CDKAL1: variants seen among roughly 807,000 people sequenced by gnomAD.
The protein encoded by CDKAL1 is threonylcarbamoyladenosine tRNA methylthiotransferase.
CDKAL1 carries 32 observed loss-of-function variants against 68.2 expected under a neutral mutation model. That is an observed-to-expected ratio of 0.47 (90% confidence interval 0.35 to 0.63). CDKAL1 has a LOEUF of 0.63. Ranked by LOEUF, CDKAL1 falls within the 30% of genes least tolerant of loss-of-function variation. CDKAL1 has a pLI of 0.00. For missense variants in CDKAL1, 606 were observed against 696.7 expected, an observed-to-expected ratio of 0.87 and a Z score of 1.47; for synonymous variants, 234 against 244.3, an observed-to-expected ratio of 0.96 and a Z score of 0.39.
chr6:21,029,663 C>T (rs1047338599), intron 11 of CDKAL1, among the ~76,000 whole-genome samples: 8 of 151,950 alleles, frequency 5.3e-5, no homozygotes, highest in South Asian at 2.1e-4. Context: ...AGAAAGTGGG[C>T]GAAGGATATG....
chr6:20,639,465 T>C (rs561628466), intron 4 of CDKAL1, among the ~76,000 whole-genome samples: 3 of 152,098 alleles, frequency 2.0e-5, no homozygotes, highest in East Asian at 1.9e-4. Context: ...TTCCTCCTTT[T>C]CCCCCCTTTT....
chr6:21,027,692 A>T (rs952239672), intron 11 of CDKAL1, among the ~76,000 whole-genome samples: 12 of 152,208 alleles, frequency 7.9e-5, no homozygotes, highest in African/African-American at 2.9e-4. Flanking sequence ...AAGCCCTCAC[A>T]GATGTGAACG....
At chr6:21,227,734 G>A (rs548226811) in intron 15 of CDKAL1, among the ~76,000 whole-genome samples, 2 of 152,278 alleles carry the variant, frequency 1.3e-5, no homozygotes, top group African/African-American at 4.8e-5. Context: ...AACATCTGAG[G>A]GGTGGAGAGA....
At position 20,551,848 on chromosome 6, in the gene CDKAL1, C is replaced by T. The variant is rs12055423; in HGVS notation, c.286+3143C>T. Among the ~76,000 whole-genome samples, 327 of 151,930 alleles carry T rather than the reference C, an allele frequency of 2.2e-3. 2 individuals carry two copies. The highest frequency in any genetic ancestry group is 3.4e-3 in the Admixed American group (52 of 15,254). On this transcript the variant is annotated intron_variant, in intron 4 of 15. Coordinates refer to ENST00000274695, the MANE Select transcript of CDKAL1 (RefSeq NM_017774.3). ...TAGCCTGGGCTTGCCTTACCATATTCTGATGGTGTAGTTTGAGTATTAAGA... is the reference window on the plus strand; with the variant it reads ...TAGCCTGGGCTTGCCTTACCATATTTTGATGGTGTAGTTTGAGTATTAAGA...
intron 9 of CDKAL1, among the ~76,000 whole-genome samples, chr6:20,902,671 A>G (rs943077296): frequency 6.6e-6 from 1 of 152,234 alleles, no homozygotes; most frequent in African/African-American, 2.4e-5. Flanking sequence ...ATATAAAACC[A>G]TAATATTGGG....
At chr6:20,797,465 A>AT (rs1776154719) in intron 8 of CDKAL1, among the ~76,000 whole-genome samples, 1 of 152,232 alleles carries the variant, frequency 6.6e-6, no homozygotes, top group Non-Finnish European at 1.5e-5. Flanking sequence ...ACATGTACTT[A>AT]TCATATGACG....
At chr6:20,545,907 A>G (rs1273490180) in intron 2 of CDKAL1, among the ~76,000 whole-genome samples, 1 of 152,058 alleles carries the variant, frequency 6.6e-6, no homozygotes, top group Non-Finnish European at 1.5e-5. Context: ...TAACTTCTTC[A>G]TATTATCTAA....
intron 13 of CDKAL1, among the ~76,000 whole-genome samples, chr6:21,186,910 A>G (rs1778038704): frequency 6.6e-6 from 1 of 152,184 alleles, no homozygotes; most frequent in Admixed American, 6.5e-5. Flanking sequence ...GTTACTTCAC[A>G]TTTTTTGATA....
intron 12 of CDKAL1, among the ~76,000 whole-genome samples, chr6:21,070,264 T>G (rs1002210077): frequency 6.6e-6 from 1 of 152,212 alleles, no homozygotes; most frequent in African/African-American, 2.4e-5. Context: ...GATCCTGCCA[T>G]AAGAATGTTA....
chr6:20,820,519 G>T (rs1401096674), intron 8 of CDKAL1, among the ~76,000 whole-genome samples: 3 of 152,152 alleles, frequency 2.0e-5, no homozygotes, highest in African/African-American at 7.2e-5. Context: ...TTATCCACCA[G>T]GCTAACTTGC....
intron 12 of CDKAL1, among the ~76,000 whole-genome samples, chr6:21,107,960 T>C (rs4710964): frequency 0.17 from 25,482 of 152,198 alleles, 2,179 homozygotes; most frequent in Non-Finnish European, 0.2. Flanking sequence ...ACCCAAGCTG[T>C]AACCAGGAAG....
At chr6:20,626,457 T>C (rs1207818519) in intron 4 of CDKAL1, among the ~76,000 whole-genome samples, 1 of 152,168 alleles carries the variant, frequency 6.6e-6, no homozygotes, top group Non-Finnish European at 1.5e-5. Flanking sequence ...TAACATGTAA[T>C]GTCATGAATA....
At chr6:21,097,381 T>C (rs1720643123) in intron 12 of CDKAL1, among the ~76,000 whole-genome samples, 1 of 152,116 alleles carries the variant, frequency 6.6e-6, no homozygotes, top group Non-Finnish European at 1.5e-5. Context: ...GACAGGAGAA[T>C]TGCTTGAACC....
chr6:20,613,254 T>C (rs1404546207), intron 4 of CDKAL1, among the ~76,000 whole-genome samples: 42 of 7,904 alleles, frequency 5.3e-3, no homozygotes, highest in African/African-American at 0.023. Flanking sequence ...TCTTTCTTTT[T>C]TTTTTTTTTT....
At chr6:20,990,786 A>G (rs1462927336) in intron 10 of CDKAL1, among the ~76,000 whole-genome samples, 1 of 152,258 alleles carries the variant, frequency 6.6e-6, no homozygotes, top group Non-Finnish European at 1.5e-5. Flanking sequence ...TCTATCTTAT[A>G]TGACTTGGTA....
At chr6:20,729,710 T>C (rs986564365) in intron 5 of CDKAL1, among the ~76,000 whole-genome samples, 4 of 152,190 alleles carry the variant, frequency 2.6e-5, no homozygotes, top group Admixed American at 2.0e-4. Context: ...TATGGTTATA[T>C]AGTTAGTAAA....
intron 10 of CDKAL1, among the ~76,000 whole-genome samples, chr6:20,970,731 G>T (rs1162081959): frequency 2.0e-5 from 3 of 152,186 alleles, no homozygotes; most frequent in Non-Finnish European, 2.9e-5. Flanking sequence ...GAGACTTACA[G>T]ACTAAAATGT....
At chr6:21,069,699 GT>G (rs1274508546) in intron 12 of CDKAL1, among the ~76,000 whole-genome samples, 3 of 143,678 alleles carry the variant, frequency 2.1e-5, no homozygotes, top group African/African-American at 7.6e-5. Context: ...TTCTGGAAGA[GT>G]TTGTATAGAA....
chr6:20,546,524 G>T lies in CDKAL1; in HGVS notation c.173+1G>T, dbSNP rs1763611459. The T allele has an allele frequency of 6.2e-7, 1 of 1,610,888 alleles. No homozygotes were observed. Among genetic ancestry groups the T allele is most frequent in the Non-Finnish European group, 8.5e-7 (1 of 1,178,762 alleles). Reference sequence around the variant, plus strand: ...AAGAAAACAGTCCACCAAGTGACAGGTAAGCTTTTTTCCTTGAAATTATAT... The same window carrying T: ...AAGAAAACAGTCCACCAAGTGACAGTTAAGCTTTTTTCCTTGAAATTATAT... On this transcript the variant is annotated splice_donor_variant, in intron 3 of 15. Transcript: ENST00000274695. LOFTEE classifies it high-confidence loss of function.
Sources: allele counts gnomAD v4.1 joint callset (sites outside exome capture counted in the v4.1 genomes callset), GRCh38; gene constraint gnomAD v4.1.1; transcripts MANE v1.5; gene names NCBI Gene and HGNC (gene_info 2026-07-23, HGNC 2026-07-21).